The following MAPK4 variants were observed in gnomAD, a reference collection of about 807,000 sequenced individuals.
MAPK4 encodes mitogen-activated protein kinase 4.
A neutral mutation model predicts 47.7 loss-of-function variants in MAPK4; 22 were observed. The ratio of observed to expected loss-of-function variants is 0.46; its 90% CI spans 0.33 to 0.66. The LOEUF is 0.66. Among genes scored for constraint, MAPK4 ranks in the 30% least tolerant of loss-of-function variants. The pLI is 0.02. For synonymous variants in MAPK4, 390 were observed against 365.7 expected (o/e 1.07, Z -0.76); for missense variants, 736 against 831.7 (o/e 0.88, Z 1.42).
chr18:50,647,632 C>T (rs183291979), intron 1 of MAPK4, among the ~76,000 whole-genome samples: 2 of 152,244 alleles, frequency 1.3e-5, no homozygotes, highest in East Asian at 1.9e-4. Context: ...CAGCTTCTTT[C>T]GATGCCACTG....
At chr18:50,712,459 T>G (rs1020452842) in intron 2 of MAPK4, among the ~76,000 whole-genome samples, 1 of 151,806 alleles carries the variant, frequency 6.6e-6, no homozygotes, top group Non-Finnish European at 1.5e-5. Context: ...AAAAATCCAC[T>G]TTATGTTTTT....
intron 1 of MAPK4, among the ~76,000 whole-genome samples, chr18:50,647,490 CA>C (rs531030885): frequency 5.9e-5 from 9 of 152,314 alleles, no homozygotes; most frequent in African/African-American, 2.2e-4. Flanking sequence ...GAGGGGCATG[CA>C]GTTGCTGTCC....
At chr18:50,629,404 G>A (rs915138174) in intron 1 of MAPK4, 4 of 152,262 alleles carry the variant, frequency 2.6e-5, no homozygotes, top group African/African-American at 9.6e-5. Flanking sequence ...AGGATGGAAA[G>A]TTTTCAGCAA....
intron 2 of MAPK4, among the ~76,000 whole-genome samples, chr18:50,710,139 A>C (rs1052456609): frequency 6.6e-6 from 1 of 152,178 alleles, no homozygotes; most frequent in Non-Finnish European, 1.5e-5. Context: ...CCCAGAGCTA[A>C]AGTTGACTGG....
In MAPK4 at chr18:50,636,554, A is replaced by T. The variant is rs144445119; in HGVS notation, c.-870-26535A>T. 2.9e-3 allele frequency among the ~76,000 whole-genome samples: 441 copies of T among 152,284 alleles called. 7 individuals are homozygous for T. In the East Asian group the frequency reaches 0.044, roughly 15 times the overall value. On this transcript the variant is annotated intron_variant, in intron 1 of 5. Coordinates refer to ENST00000400384, the MANE Select transcript of MAPK4 (RefSeq NM_002747.4). ...GGGCTGCCTCTCCTGCATGAGACCCATGGGGTGACTCCTGACAGCCCCATT... is the reference window on the plus strand; with the variant it reads ...GGGCTGCCTCTCCTGCATGAGACCCTTGGGGTGACTCCTGACAGCCCCATT...
chr18:50,627,771 G>C (rs751259306), intron 1 of MAPK4, among the ~76,000 whole-genome samples: 1 of 152,158 alleles, frequency 6.6e-6, no homozygotes, highest in Non-Finnish European at 1.5e-5. Flanking sequence ...GGTCTCCCAT[G>C]CCTGTGAGTT....
At chr18:50,596,689 A>G (rs1244825462) in intron 1 of MAPK4, among the ~76,000 whole-genome samples, 1 of 152,240 alleles carries the variant, frequency 6.6e-6, no homozygotes, top group Non-Finnish European at 1.5e-5. Context: ...CAGTGGTATA[A>G]TGTCAGATAA....
intron 1 of MAPK4, chr18:50,629,554 A>G (rs2042810658): frequency 6.6e-6 from 1 of 152,212 alleles, no homozygotes; most frequent in South Asian, 2.1e-4. Context: ...ATGAAAATTC[A>G]TGCTCCTTGT....
At chr18:50,675,401 C>T (rs1908205090) in intron 2 of MAPK4, among the ~76,000 whole-genome samples, 1 of 151,930 alleles carries the variant, frequency 6.6e-6, no homozygotes, top group Non-Finnish European at 1.5e-5. Flanking sequence ...ACTGCAACCT[C>T]CGCCTCCCGG....
chr18:50,632,197 G>A (rs1384408777), intron 1 of MAPK4, among the ~76,000 whole-genome samples: 7 of 152,162 alleles, frequency 4.6e-5, no homozygotes, highest in Admixed American at 1.3e-4. Flanking sequence ...CCCCTGGGGC[G>A]GCGGCCTCCT....
intron 2 of MAPK4, among the ~76,000 whole-genome samples, chr18:50,692,600 C>T (rs571466135): frequency 2.0e-5 from 3 of 152,100 alleles, no homozygotes; most frequent in South Asian, 2.1e-4. Flanking sequence ...ATAAAGAATG[C>T]GAAGTGCTTA....
At chr18:50,679,194 G>A (rs1908443089) in intron 2 of MAPK4, among the ~76,000 whole-genome samples, 1 of 152,236 alleles carries the variant, frequency 6.6e-6, no homozygotes, top group African/African-American at 2.4e-5. Flanking sequence ...TGTGAAGGTG[G>A]TTTTCAGTAG....
chr18:50,607,641 C>T (rs1290192084), intron 1 of MAPK4, among the ~76,000 whole-genome samples: 1 of 152,168 alleles, frequency 6.6e-6, no homozygotes, highest in Non-Finnish European at 1.5e-5. Flanking sequence ...AAGAAGGCCA[C>T]GTGGTGATTG....
intron 5 of MAPK4, among the ~76,000 whole-genome samples, chr18:50,726,450 G>C (rs1259986127): frequency 6.6e-6 from 1 of 152,140 alleles, no homozygotes; most frequent in African/African-American, 2.4e-5. Context: ...ACAGTGCTCC[G>C]CAAGGATTTA....
At chr18:50,702,161 CAAA>C (rs36001271) in intron 2 of MAPK4, among the ~76,000 whole-genome samples, 1 of 95,922 alleles carries the variant, frequency 1.0e-5, no homozygotes. Context: ...GATTCTGTCT[CAAA>C]AAAAAAAAAA....
At position 50,666,157 on chromosome 18, in the gene MAPK4, A is replaced by G. The variant is rs548607457; in HGVS notation, c.546+1653A>G. 6.6e-5 allele frequency among the ~76,000 whole-genome samples: 10 copies of G among 152,364 alleles called. No individual in the cohort carries two copies. The East Asian group carries it at 1.9e-3, about 29-fold the overall frequency. ...CAACAAGGAAAGAGCTTAAGACAGCACATAGTAGGGCTTTAGGAAGGTCCA... is the reference window on the plus strand; with the variant it reads ...CAACAAGGAAAGAGCTTAAGACAGCGCATAGTAGGGCTTTAGGAAGGTCCA... On this transcript the variant is annotated intron_variant, in intron 2 of 5. Transcript: ENST00000400384.
chr18:50,659,215 C>T (rs77089027), intron 1 of MAPK4, among the ~76,000 whole-genome samples: 1,773 of 152,266 alleles, frequency 0.012, 29 homozygotes, highest in African/African-American at 0.038. Flanking sequence ...CACAGTGACT[C>T]ATTAGGATCA....
intron 2 of MAPK4, among the ~76,000 whole-genome samples, chr18:50,703,481 C>T (rs1283630886): frequency 6.6e-6 from 1 of 152,190 alleles, no homozygotes; most frequent in African/African-American, 2.4e-5. Flanking sequence ...CAGGGGCTCT[C>T]AGGATAAGTG....
intron 1 of MAPK4, among the ~76,000 whole-genome samples, chr18:50,609,958 A>G (rs191000793): frequency 6.6e-6 from 1 of 152,334 alleles, no homozygotes; most frequent in African/African-American, 2.4e-5. Flanking sequence ...ACATCGCTCC[A>G]ATAATTCCTT....
Sources: gnomAD v4.1 joint callset for allele counts (sites outside exome capture counted in the v4.1 genomes callset) on GRCh38, gnomAD v4.1.1 for gene constraint, MANE v1.5 for transcripts, NCBI Gene and HGNC (gene_info 2026-07-23, HGNC 2026-07-21) for gene names.